Variants in STARD13 observed in about 807,000 individuals in gnomAD.
The protein encoded by STARD13 is StAR related lipid transfer domain containing 13, also known as stAR-related lipid transfer protein 13.
Under a neutral mutation model 106.4 loss-of-function variants are expected in STARD13, and 62 were observed. The ratio of observed to expected loss-of-function variants is 0.58; its 90% confidence interval spans 0.48 to 0.72. The LOEUF is 0.72. Ranked by LOEUF, STARD13 falls within the 30% of genes least tolerant of loss-of-function variation. STARD13 has a pLI of 0.00. For synonymous variants in STARD13, 565 were observed against 553.0 expected (o/e 1.02, Z -0.31); for missense variants, 1,387 against 1,424.0 (o/e 0.97, Z 0.42).
chr13:33,254,467 T>C (rs1441208841), intron 1 of STARD13, among the ~76,000 whole-genome samples: 1 of 152,214 alleles, frequency 6.6e-6, no homozygotes, highest in Non-Finnish European at 1.5e-5. Flanking sequence ...AAGTATTCTG[T>C]TGATATGGGC....
the STARD13 span, among the ~76,000 whole-genome samples, chr13:33,590,638 G>A: frequency 1.4e-5 from 2 of 140,052 alleles, no homozygotes; most frequent in Non-Finnish European, 3.0e-5. Context: ...CCATAGGTGA[G>A]AATTGAACAA....
the STARD13 span, among the ~76,000 whole-genome samples, chr13:33,434,352 C>CA: frequency 0.029 from 2,036 of 70,146 alleles, 162 homozygotes; most frequent in African/African-American, 0.11. Context: ...GACTCTGTCT[C>CA]AAAAAAAAAA....
the STARD13 span, among the ~76,000 whole-genome samples, chr13:33,500,564 A>C: frequency 6.6e-6 from 1 of 152,066 alleles, no homozygotes; most frequent in African/African-American, 2.4e-5. Flanking sequence ...TCAATGAAAA[A>C]TTTTTCTTGC....
intron 1 of STARD13, among the ~76,000 whole-genome samples, chr13:33,203,529 A>G (rs893700965): frequency 2.6e-5 from 4 of 152,112 alleles, no homozygotes; most frequent in African/African-American, 9.7e-5. Flanking sequence ...TTTTTTTTAC[A>G]TTAGGAAGTT....
the STARD13 span, among the ~76,000 whole-genome samples, chr13:33,557,485 G>A: frequency 6.6e-6 from 1 of 152,028 alleles, no homozygotes; most frequent in Admixed American, 6.6e-5. Context: ...GGAAATTATT[G>A]CTCACTTTCT....
the STARD13 span, among the ~76,000 whole-genome samples, chr13:33,414,047 A>AAAAAAAAAAAAAAAAAAAAAAAAAG: frequency 3.5e-5 from 5 of 143,686 alleles, no homozygotes; most frequent in African/African-American, 1.4e-4. Flanking sequence ...AAAAAAAAAA[A>AAAAAAAAAAAAAAAAAAAAAAAAAG]AAAGAAAAGA....
At chr13:33,209,698 T>C (rs1887613029) in intron 1 of STARD13, among the ~76,000 whole-genome samples, 1 of 152,016 alleles carries the variant, frequency 6.6e-6, no homozygotes, top group Non-Finnish European at 1.5e-5. Context: ...CAAGACAAGC[T>C]GTAGTGGCTC....
At chr13:33,231,333 C>T (rs1888909378) in intron 1 of STARD13, among the ~76,000 whole-genome samples, 2 of 152,314 alleles carry the variant, frequency 1.3e-5, no homozygotes, top group African/African-American at 4.8e-5. Context: ...TTGCACAAGG[C>T]ACCAGGGAGA....
At chr13:33,210,377 G>A (rs1279313163) in intron 1 of STARD13, among the ~76,000 whole-genome samples, 2 of 152,158 alleles carry the variant, frequency 1.3e-5, no homozygotes, top group Non-Finnish European at 2.9e-5. Context: ...TAAAAAAACT[G>A]CACTTAATGC....
chr13:33,126,018 TC>T, intron 7 of STARD13, 62 bp downstream of exon 7: 1 of 1,571,830 alleles, frequency 6.4e-7, no homozygotes, highest in Non-Finnish European at 8.7e-7. Context: ...CAGTCTGACA[TC>T]CCCTCAATCC....
the STARD13 span, among the ~76,000 whole-genome samples, chr13:33,626,764 G>A: frequency 0.035 from 5,359 of 152,298 alleles, 301 homozygotes; most frequent in African/African-American, 0.12. Flanking sequence ...CTGTAAGAAA[G>A]AGTATGAATT....
chr13:33,189,781 C>T (rs1886109124), intron 1 of STARD13, among the ~76,000 whole-genome samples: 1 of 151,790 alleles, frequency 6.6e-6, no homozygotes, highest in South Asian at 2.1e-4. Flanking sequence ...GGTCCTCTGC[C>T]CCGTGTCCTC....
the STARD13 span, among the ~76,000 whole-genome samples, chr13:33,650,394 T>G: frequency 4.0e-5 from 6 of 150,772 alleles, no homozygotes; most frequent in East Asian, 7.8e-4. Context: ...GTTTCACCGT[T>G]TTAGCCGGGA....
the STARD13 span, among the ~76,000 whole-genome samples, chr13:33,670,162 G>A: frequency 3.3e-5 from 5 of 152,160 alleles, no homozygotes; most frequent in Admixed American, 6.5e-5. Flanking sequence ...ATGAGACTAC[G>A]ATACAGGCTG....
At chr13:33,116,173 A>G (rs1249556543) in intron 8 of STARD13, among the ~76,000 whole-genome samples, 1 of 152,080 alleles carries the variant, frequency 6.6e-6, no homozygotes, top group Admixed American at 6.5e-5. Context: ...GTCACTTTGT[A>G]TGTCTGCCAT....
At chr13:33,152,580 G>A (rs1881423776) in intron 3 of STARD13, among the ~76,000 whole-genome samples, 1 of 152,132 alleles carries the variant, frequency 6.6e-6, no homozygotes, top group African/African-American at 2.4e-5. Flanking sequence ...CAGCCTTGTT[G>A]CCTCCAGCCA....
the STARD13 span, among the ~76,000 whole-genome samples, chr13:33,385,329 GA>G: frequency 1.4e-5 from 2 of 140,494 alleles, no homozygotes; most frequent in Admixed American, 7.4e-5. Flanking sequence ...TTTTCAAAAT[GA>G]AAAAAAGGCA....
intron 3 of STARD13, among the ~76,000 whole-genome samples, chr13:33,165,041 C>G (rs1883160661): frequency 6.6e-6 from 1 of 152,070 alleles, no homozygotes; most frequent in African/African-American, 2.4e-5. Flanking sequence ...CATTTATACT[C>G]TCTGAAATAA....
intron 1 of STARD13, among the ~76,000 whole-genome samples, chr13:33,195,540 C>T (rs947308592): frequency 1.3e-5 from 2 of 152,136 alleles, no homozygotes; most frequent in South Asian, 2.1e-4. Flanking sequence ...TGAAGGATAC[C>T]ATAGCAACCA....
Sources: gnomAD v4.1 joint callset for allele counts (sites outside exome capture counted in the v4.1 genomes callset) on GRCh38, gnomAD v4.1.1 for gene constraint, MANE v1.5 for transcripts, NCBI Gene and HGNC (gene_info 2026-07-23, HGNC 2026-07-21) for gene names.